LAMA4: variants seen among roughly 807,000 people sequenced by gnomAD.
LAMA4 encodes the protein laminin subunit alpha-4.
In LAMA4, 127 loss-of-function variants were observed where a neutral mutation model predicts 207.1. The observed-to-expected ratio is 0.61, with a 90% confidence interval of 0.53 to 0.71. The LOEUF (loss-of-function observed/expected upper bound fraction) is 0.71. Among genes scored for constraint, LAMA4 ranks in the 30% least tolerant of loss-of-function variants. The pLI, the probability that LAMA4 is intolerant of heterozygous loss-of-function variation, is 0.00. For missense variants in LAMA4, 2,093 were observed against 2,246.5 expected, an observed-to-expected ratio of 0.93 and a Z score of 1.38; for synonymous variants, 761 against 816.0, an observed-to-expected ratio of 0.93 and a Z score of 1.15.
intron 29 of LAMA4, among the ~76,000 whole-genome samples, chr6:112,130,763 A>G (rs2114645502): frequency 6.6e-6 from 1 of 152,238 alleles, no homozygotes; most frequent in Admixed American, 6.5e-5. Flanking sequence ...CCTTATATTT[A>G]GTTTAAGAAA....
chr6:112,253,406 A>T, intron 2 of LAMA4: 1 of 286,232 alleles, frequency 3.5e-6, no homozygotes, highest in South Asian at 3.8e-5. Flanking sequence ...CTGGAATACA[A>T]TGGCTCGTTT....
At chr6:112,139,609 G>A in intron 23 of LAMA4, 143 bp downstream of exon 23, 1 of 997,530 alleles carries the variant, frequency 1.0e-6, no homozygotes, top group Admixed American at 1.8e-5. Context: ...CAGGTGAAGA[G>A]TTTTTTGCAG....
chr6:112,216,318 A>T (rs782086740), intron 3 of LAMA4, 50 bp downstream of exon 3: 3 of 1,189,118 alleles, frequency 2.5e-6, no homozygotes, highest in Admixed American at 1.7e-5. Context: ...TTCACCCAAG[A>T]TGCAAATGCC....
At chr6:112,200,184 C>T (rs782607282) in intron 5 of LAMA4, 1 of 532,888 alleles carries the variant, frequency 1.9e-6, no homozygotes, top group South Asian at 1.4e-5. Context: ...GCCTTTCTTA[C>T]ATGAGCAAAG....
intron 36 of LAMA4, among the ~76,000 whole-genome samples, chr6:112,115,467 A>AT (rs1777961231): frequency 6.6e-6 from 1 of 152,174 alleles, no homozygotes; most frequent in Non-Finnish European, 1.5e-5. Context: ...TGTATAGTAT[A>AT]TATACATATC....
intron 5 of LAMA4, among the ~76,000 whole-genome samples, chr6:112,194,286 G>C (rs1349290482): frequency 6.6e-6 from 1 of 152,148 alleles, no homozygotes; most frequent in Non-Finnish European, 1.5e-5. Context: ...GGAGTGAAGG[G>C]GCTTGCCCAA....
chr6:112,253,330 C>T (rs1787595219), intron 2 of LAMA4: 2 of 215,378 alleles, frequency 9.3e-6, no homozygotes, highest in South Asian at 1.5e-4. Context: ...CAAACAGCAG[C>T]TCTTTGAATA....
At chr6:112,244,562 C>T (rs576560672) in intron 2 of LAMA4, among the ~76,000 whole-genome samples, 1 of 152,304 alleles carries the variant, frequency 6.6e-6, no homozygotes, top group East Asian at 1.9e-4. Flanking sequence ...TTTACTCTGT[C>T]GGCTGGTTCT....
chr6:112,201,598 A>C lies in LAMA4; in HGVS notation c.503+10T>G. 1 of 1,610,006 alleles carries C rather than the reference A, an allele frequency of 6.2e-7. No homozygotes were observed. On this transcript the variant is annotated intron_variant, in intron 5 of 38. Coordinates refer to ENST00000230538, the MANE Select transcript of LAMA4 (RefSeq NM_001105206.3). ...ACCCACACAGAAAATAGAGAATTTT[A>C]TTGGCTTACCTTTCACAGTTAGGTC...
chr6:112,157,010 G>A (rs1044594982), intron 14 of LAMA4, among the ~76,000 whole-genome samples: 1 of 151,846 alleles, frequency 6.6e-6, no homozygotes, highest in South Asian at 2.1e-4. Context: ...TGAAATAAAG[G>A]TTTTACTTTT....
chr6:112,196,175 T>A (rs1255972502), intron 5 of LAMA4, among the ~76,000 whole-genome samples: 1 of 152,160 alleles, frequency 6.6e-6, no homozygotes, highest in Non-Finnish European at 1.5e-5. Flanking sequence ...CTGTGTATTG[T>A]GAACATTCAG....
At chr6:112,198,939 T>C (rs561579875) in intron 5 of LAMA4, among the ~76,000 whole-genome samples, 66 of 152,318 alleles carry the variant, frequency 4.3e-4, no homozygotes, top group African/African-American at 1.5e-3. Flanking sequence ...AAATTGCCAC[T>C]TGGAGAGGTC....
rs1554332565 is a variant in LAMA4, at chr6:112,139,742, T to A, written c.3110+10A>T. ...TATCCAAGTCTTTAGTACTCTTAAC[T>A]GTCTCTTACCGGGCACATGGCACTG... On this transcript the variant is annotated intron_variant, in intron 23 of 38. Coordinates refer to ENST00000230538, the MANE Select transcript of LAMA4 (RefSeq NM_001105206.3). The A allele has an allele frequency of 3.1e-6, 5 of 1,613,576 alleles. No homozygotes were observed. The highest frequency in any genetic ancestry group is 4.2e-6 in the Non-Finnish European group (5 of 1,179,598).
intron 12 of LAMA4, among the ~76,000 whole-genome samples, chr6:112,165,835 G>A (rs1781353331): frequency 1.3e-5 from 2 of 152,174 alleles, no homozygotes; most frequent in Non-Finnish European, 2.9e-5. Context: ...ATGCTCAGAT[G>A]TTTTGAGAAG....
At chr6:112,143,417 T>C (rs934834383) in intron 19 of LAMA4, among the ~76,000 whole-genome samples, 1 of 151,804 alleles carries the variant, frequency 6.6e-6, no homozygotes, top group East Asian at 1.9e-4. Flanking sequence ...CCTGAGTAAC[T>C]GGGACTACAG....
chr6:112,162,713 G>A (rs6919131), intron 13 of LAMA4, among the ~76,000 whole-genome samples: 96,432 of 151,878 alleles, frequency 0.63, 31,030 homozygotes, highest in Middle Eastern at 0.74. Flanking sequence ...CTTTATTACA[G>A]TCGTACTGAG....
chr6:112,225,225 C>A (rs1785147965), intron 2 of LAMA4, among the ~76,000 whole-genome samples: 1 of 152,102 alleles, frequency 6.6e-6, no homozygotes, highest in Non-Finnish European at 1.5e-5. Context: ...GTTAGACAAG[C>A]CCATCTCCAA....
chr6:112,136,679 G>A (rs1356088656), intron 24 of LAMA4, among the ~76,000 whole-genome samples: 2 of 138,832 alleles, frequency 1.4e-5, no homozygotes, highest in Non-Finnish European at 3.1e-5. Context: ...GCTACAGAAC[G>A]AGACTCTGTC....
chr6:112,201,829 A>T (rs1305790601), intron 4 of LAMA4, 141 bp from the exon 5 acceptor site: 2 of 785,624 alleles, frequency 2.5e-6, no homozygotes, highest in Non-Finnish European at 4.4e-6. Context: ...ACTTGTACAC[A>T]TTTACCTTGC....
Sources: allele counts gnomAD v4.1 joint callset (sites outside exome capture counted in the v4.1 genomes callset), GRCh38; gene constraint gnomAD v4.1.1; transcripts MANE v1.5; gene names NCBI Gene and HGNC (gene_info 2026-07-23, HGNC 2026-07-21).